The following ATP2C1 variants were observed in gnomAD, a reference collection of about 807,000 sequenced individuals.
ATP2C1 encodes ATPase secretory pathway Ca2+ transporting 1.
ATP2C1 carries 31 observed loss-of-function variants against 120.5 expected under a neutral mutation model. The observed-to-expected ratio is 0.26, with a 90% CI of 0.19 to 0.35. The LOEUF (loss-of-function observed/expected upper bound fraction) is 0.35. Ranked by LOEUF, ATP2C1 falls within the 10% of genes least tolerant of loss-of-function variation. The pLI is 1.00. For missense variants in ATP2C1, 731 were observed against 1,107.5 expected, an observed-to-expected ratio of 0.66 and a Z score of 4.83; for synonymous variants, 351 against 358.7, an observed-to-expected ratio of 0.98 and a Z score of 0.24.
intron 2 of ATP2C1, among the ~76,000 whole-genome samples, chr3:130,921,333 C>T (rs1252939084): frequency 6.6e-6 from 1 of 152,194 alleles, no homozygotes; most frequent in Non-Finnish European, 1.5e-5. Context: ...CCGCCCACCT[C>T]GGCTTCCCAA....
intron 9 of ATP2C1, among the ~76,000 whole-genome samples, chr3:130,954,498 T>C (rs1362473386): frequency 1.3e-5 from 2 of 152,224 alleles, no homozygotes; most frequent in Non-Finnish European, 2.9e-5. Context: ...CTATACGTTT[T>C]TTTTTGAGAC....
downstream of ATP2C1, among the ~76,000 whole-genome samples, chr3:131,004,901 T>C (rs2063044265): frequency 1.3e-5 from 2 of 152,172 alleles, no homozygotes; most frequent in Admixed American, 6.5e-5. Flanking sequence ...GCAGAGACAT[T>C]TGATTTGTCT....
In ATP2C1 at chr3:130,941,577, A is replaced by G. The variant is rs1330392014; in HGVS notation, c.423-14A>G. ...TTTTTTTTTAACCATGGTTGTTTCT[A>G]TTTCGTGTTACAGTGTGCGTGAAGG... On this transcript the variant is annotated splice_polypyrimidine_tract_variant and intron_variant, in intron 7 of 27. Transcript: ENST00000510168. 1.9e-6 allele frequency: 3 copies of G among 1,604,782 alleles called. No individual in the cohort carries two copies. The highest frequency in any genetic ancestry group is 1.7e-5 in the Admixed American group (1 of 59,868).
At chr3:130,978,617 G>A (rs1371689547) in intron 18 of ATP2C1, among the ~76,000 whole-genome samples, 1 of 152,102 alleles carries the variant, frequency 6.6e-6, no homozygotes, top group African/African-American at 2.4e-5. Context: ...GAGAACCAAC[G>A]TTACAAATAA....
chr3:130,995,274 G>T (rs2062557841), intron 22 of ATP2C1, among the ~76,000 whole-genome samples: 1 of 152,058 alleles, frequency 6.6e-6, no homozygotes, highest in Non-Finnish European at 1.5e-5. Flanking sequence ...AAATAGCTGG[G>T]AGTGGTGATG....
At chr3:130,883,945 C>CTTTTTTTTTTTTT (rs35365168) in intron 1 of ATP2C1, among the ~76,000 whole-genome samples, 4 of 122,438 alleles carry the variant, frequency 3.3e-5, no homozygotes, top group Non-Finnish European at 5.0e-5. Context: ...TTCTTTTCTT[C>CTTTTTTTTTTTTT]TTTTTTTTTT....
At chr3:130,993,068 G>A in intron 21 of ATP2C1, 67 bp downstream of exon 21, 1 of 1,397,290 alleles carries the variant, frequency 7.2e-7, no homozygotes, top group South Asian at 1.2e-5. Context: ...CTTTTGTTAT[G>A]TTTGCATTAC....
At chr3:130,864,597 G>A (rs1203097015) in intron 1 of ATP2C1, among the ~76,000 whole-genome samples, 1 of 152,200 alleles carries the variant, frequency 6.6e-6, no homozygotes, top group South Asian at 2.1e-4. Flanking sequence ...CTGTGGTTTC[G>A]TGGGCTGGGC....
At chr3:130,993,096 G>C in intron 21 of ATP2C1, 95 bp downstream of exon 21, 1 of 1,093,988 alleles carries the variant, frequency 9.1e-7, no homozygotes, top group Non-Finnish European at 1.4e-6. Context: ...AGAGCATCAA[G>C]GTCAGAAATA....
rs1196467870 is a variant in ATP2C1, at chr3:130,860,973, T to C, written c.108+10045T>C. On this transcript the variant is annotated intron_variant, in intron 1 of 26. Coordinates refer to the ATP2C1 transcript ENST00000504381. ...TGTTTAAGAAAAAGAATATAAAATC[T>C]GTATCAGGTTTCTCGACATGGTGCG... 2.0e-5 allele frequency among the ~76,000 whole-genome samples: 3 copies of C among 152,226 alleles called. No individual in the cohort carries two copies. In the East Asian group the frequency reaches 5.8e-4, roughly 29 times the overall value.
At chr3:130,951,173 T>C (rs969606847) in intron 8 of ATP2C1, among the ~76,000 whole-genome samples, 4 of 152,304 alleles carry the variant, frequency 2.6e-5, no homozygotes, top group African/African-American at 9.6e-5. Context: ...ATTTTTTACA[T>C]ATCTTTGCTT....
At chr3:131,010,609 G>A (rs1347568734) in intron 26 of ATP2C1, among the ~76,000 whole-genome samples, 1 of 152,130 alleles carries the variant, frequency 6.6e-6, no homozygotes, top group Non-Finnish European at 1.5e-5. Context: ...ACTCACATGG[G>A]GATAATTCCT....
At chr3:130,922,863 T>C (rs575523502) in intron 2 of ATP2C1, among the ~76,000 whole-genome samples, 2 of 152,372 alleles carry the variant, frequency 1.3e-5, no homozygotes, top group East Asian at 3.9e-4. Flanking sequence ...TTGAGTCTTG[T>C]TTAATGGCGT....
intron 1 of ATP2C1, among the ~76,000 whole-genome samples, chr3:130,887,637 A>G (rs2069020271): frequency 6.6e-6 from 1 of 151,906 alleles, no homozygotes; most frequent in Admixed American, 6.5e-5. Context: ...GTGGTTTTCT[A>G]CACCACCATT....
chr3:130,991,664 A>T (rs1445631833), intron 20 of ATP2C1, among the ~76,000 whole-genome samples: 1 of 152,198 alleles, frequency 6.6e-6, no homozygotes, highest in Non-Finnish European at 1.5e-5. Flanking sequence ...TACTGACGGT[A>T]AAGATATAGC....
rs773134804 is a variant in ATP2C1, at chr3:130,932,015, C to CT, written c.118-6dup. Reference sequence around the variant, plus strand: ...TTTCAATAACTTTCATGTATAAACTCTAATAGGCTGATCTTCAGAATGGTC... The same window carrying CT: ...TTTCAATAACTTTCATGTATAAACTCTTAATAGGCTGATCTTCAGAATGGTC... On this transcript the variant is annotated splice_polypyrimidine_tract_variant and splice_region_variant and intron_variant, in intron 3 of 27. Coordinates refer to ENST00000510168, the MANE Select transcript of ATP2C1 (RefSeq NM_001378687.1). 3 of 1,568,260 alleles carry CT rather than the reference C, an allele frequency of 1.9e-6. No homozygotes were observed. The highest frequency in any genetic ancestry group is 2.2e-5 in the East Asian group (1 of 44,594).
intron 2 of ATP2C1, among the ~76,000 whole-genome samples, chr3:130,895,277 G>T (rs547976195): frequency 6.6e-6 from 1 of 152,276 alleles, no homozygotes; most frequent in South Asian, 2.1e-4. Flanking sequence ...AAAACCCAGT[G>T]AATTTAATGA....
chr3:131,001,104 GAAAAAAA>G (rs11403338), intron 27 of ATP2C1, 109 bp from the exon 28 acceptor site: 12 of 340,900 alleles, frequency 3.5e-5, no homozygotes, highest in East Asian at 1.5e-4. Flanking sequence ...CTTCATCTCA[GAAAAAAA>G]AAAAAAAAAA....
intron 2 of ATP2C1, chr3:130,918,570 C>A: frequency 1.4e-6 from 1 of 733,524 alleles, no homozygotes; most frequent in South Asian, 1.4e-5. Context: ...AGTATGCCAG[C>A]GCCCTGGCCA....
Sources: gnomAD v4.1 joint callset for allele counts (sites outside exome capture counted in the v4.1 genomes callset) on GRCh38, gnomAD v4.1.1 for gene constraint, MANE v1.5 for transcripts, NCBI Gene and HGNC (gene_info 2026-07-23, HGNC 2026-07-21) for gene names.